Variants in REELD1 observed in about 807,000 individuals in gnomAD.
REELD1 encodes reeler domain containing 1, also known as reelin domain-containing protein 1.
In REELD1, 12 loss-of-function variants were observed where a neutral mutation model predicts 6.3. The ratio of observed to expected loss-of-function variants is 1.89; its 90% CI spans 1.21 to 3.07. The LOEUF (loss-of-function observed/expected upper bound fraction) is 3.07, where lower values mean the gene tolerates loss of function less well. REELD1 is among the 30% of genes most tolerant of loss of function. The probability of loss-of-function intolerance (pLI) is 0.00; values close to 1 mark genes in which losing one functional copy is unlikely to be tolerated. For synonymous variants in REELD1, 57 were observed against 33.6 expected, an observed-to-expected ratio of 1.70 and a Z score of -2.42; for missense variants, 163 against 86.8, an observed-to-expected ratio of 1.88 and a Z score of -3.49.
At position 146,215,651 on chromosome 4, in the gene REELD1, A is replaced by T. The variant is rs1160776765; in HGVS notation, c.-12+453A>T. Among the ~76,000 whole-genome samples, 816 of 86,032 alleles carry T rather than the reference A, an allele frequency of 9.5e-3. 6 individuals carry two copies. The highest frequency in any genetic ancestry group is 0.075 in the East Asian group (242 of 3,216). The allele number at this position is 86,032 out of a possible 152,430, so 56.4% of individuals were successfully genotyped here. ...AAACCAGCTGACTACAGGGGAGGGC[A>T]TTTTTTTTTTTTTTTTTTTGCCTTG... On this transcript the variant is annotated intron_variant, in intron 2 of 7. Coordinates refer to ENST00000623665, the MANE Select transcript of REELD1 (RefSeq NM_001354631.1).
At chr4:146,218,926 A>G (rs1730873439) in intron 3 of REELD1, among the ~76,000 whole-genome samples, 2 of 152,082 alleles carry the variant, frequency 1.3e-5, no homozygotes, top group Non-Finnish European at 2.9e-5. Flanking sequence ...AGGTGAGTGG[A>G]TCACTTGAGC....
intron 7 of REELD1, among the ~76,000 whole-genome samples, chr4:146,229,510 C>T (rs1240656877): frequency 2.6e-5 from 4 of 152,202 alleles, no homozygotes; most frequent in Admixed American, 2.6e-4. Flanking sequence ...AATGTTCTTA[C>T]TTACATTTCT....
intron 5 of REELD1, among the ~76,000 whole-genome samples, chr4:146,225,808 G>T (rs761244910): frequency 6.6e-6 from 1 of 152,114 alleles, no homozygotes; most frequent in Non-Finnish European, 1.5e-5. Context: ...AACCTTGTCC[G>T]CTGGGGGTTG....
chr4:146,219,420 C>A (rs1271655521), intron 3 of REELD1, among the ~76,000 whole-genome samples: 1 of 152,106 alleles, frequency 6.6e-6, no homozygotes, highest in Admixed American at 6.5e-5. Flanking sequence ...AAGGTAAGGA[C>A]CATGTTATCC....
At chr4:146,216,240 T>G (rs1730823687) in intron 2 of REELD1, among the ~76,000 whole-genome samples, 1 of 152,250 alleles carries the variant, frequency 6.6e-6, no homozygotes, top group South Asian at 2.1e-4. Flanking sequence ...AAATGCTATT[T>G]TATTCAATCA....
Position 146,231,922 on chromosome 4 carries a change from G to C in REELD1, c.*1409G>C, listed in dbSNP as rs1344124118. Reference sequence around the variant, plus strand: ...TGTTCCCTGGCTTCAGCCATTAGATGCATGGAGACCTAGGTAATTTGTGCA... The same window carrying C: ...TGTTCCCTGGCTTCAGCCATTAGATCCATGGAGACCTAGGTAATTTGTGCA... On this transcript the variant is annotated 3_prime_UTR_variant, in exon 8 of 8. Coordinates refer to ENST00000623665, the MANE Select transcript of REELD1 (RefSeq NM_001354631.1). The C allele has an allele frequency of 6.6e-6, 1 of 152,188 alleles. No individual in the cohort carries two copies. Among genetic ancestry groups the C allele is most frequent in the Non-Finnish European group, 1.5e-5 (1 of 68,044 alleles). The allele number at this position is 152,188 out of a possible 1,614,324, so 9.4% of individuals were successfully genotyped here.
At position 146,227,936 on chromosome 4, in the gene REELD1, C is replaced by T. The variant is rs543597684; in HGVS notation, c.596-274C>T. Reference sequence around the variant, plus strand: ...ATAAATATGGTGGTCACAGTGCTTTCTGTGTTCCCTGAATGGTGGCTGTTA... The same window carrying T: ...ATAAATATGGTGGTCACAGTGCTTTTTGTGTTCCCTGAATGGTGGCTGTTA... On this transcript the variant is annotated intron_variant, in intron 5 of 7. Coordinates refer to ENST00000623665, the MANE Select transcript of REELD1 (RefSeq NM_001354631.1). Among the ~76,000 whole-genome samples, 9 of 152,210 alleles carry T rather than the reference C, an allele frequency of 5.9e-5. No homozygotes were observed. The South Asian group carries it at 1.9e-3, about 32-fold the overall frequency.
In REELD1 at chr4:146,225,238, G is replaced by T. The variant is rs371127674; in HGVS notation, c.595+630G>T. On this transcript the variant is annotated intron_variant, in intron 5 of 7. Transcript: ENST00000623665. ...ACCACTAGCCAGCTAGAGGCTGTTT[G>T]ACCTATCTGAAAATCCCTGGTGGTA... is the stretch of plus-strand genomic sequence containing the variant. Among the ~76,000 whole-genome samples the T allele has an allele frequency of 2.2e-3, 331 of 152,272 alleles. 17 individuals are homozygous for T. The South Asian group carries it at 0.061, about 28-fold the overall frequency.
At chr4:146,217,864 A>C (rs1258307739) in intron 3 of REELD1, among the ~76,000 whole-genome samples, 1 of 152,238 alleles carries the variant, frequency 6.6e-6, no homozygotes, top group Non-Finnish European at 1.5e-5. Context: ...GACTATAGTA[A>C]CCATTTCACT....
rs1731060232 is a variant in REELD1 at position 146,228,246 on chromosome 4, C to T, written c.632C>T (p.Thr211Ile). Reference sequence around the variant, plus strand: ...CCCATCACTCTTCCACAGCAGCACACACATGTCTTTGCTGTTGCCCTTCCT... The same window carrying T: ...CCCATCACTCTTCCACAGCAGCACATACATGTCTTTGCTGTTGCCCTTCCT... ...RTPITLPQQH[T>I]HVFAVALPGA... Residue 211 changes from threonine (T) to isoleucine (I), a missense_variant, in exon 6 of 8, where the codon ACA becomes ATA. Transcript: ENST00000623665. 1.4e-6 allele frequency: 1 copy of T among 702,444 alleles called. No individual in the cohort carries two copies. The highest frequency in any genetic ancestry group is 2.0e-5 in the Admixed American group (1 of 49,986). The allele number at this position is 702,444 out of a possible 1,614,324, so 43.5% of individuals were successfully genotyped here.
chr4:146,226,137 A>C (rs1270591998), intron 5 of REELD1, among the ~76,000 whole-genome samples: 3 of 152,146 alleles, frequency 2.0e-5, no homozygotes, highest in Non-Finnish European at 1.5e-5. Context: ...TAAATTATAA[A>C]TTTTCAAAAT....
Position 146,230,414 on chromosome 4 carries a change from T to C in REELD1, c.1482T>C (p.Thr494=). The change falls in exon 8 of 8, where the codon ACT becomes ACC. Residue 494 remains threonine, a synonymous_variant. Coordinates refer to ENST00000623665, the MANE Select transcript of REELD1 (RefSeq NM_001354631.1). ...TTGCCAGGAGCAACAGTGGTGAGAC[T>C]GTGCACGTCAGGAAGATTGGGGAGA... ...DAVARSNSGE[T]VHVRKIGENS... 1 of 398,714 alleles carries C rather than the reference T, an allele frequency of 2.5e-6. No individual in the cohort carries two copies. The highest frequency in any genetic ancestry group is 4.4e-6 in the Non-Finnish European group (1 of 226,116). 24.7% of individuals were successfully genotyped at this position (398,714 alleles called of 1,614,324 possible).
In REELD1 at chr4:146,230,525, C is replaced by T; in HGVS notation, c.*12C>T. 2.5e-6 allele frequency: 1 copy of T among 398,688 alleles called. No individual in the cohort carries two copies. The highest frequency in any genetic ancestry group is 4.4e-6 in the Non-Finnish European group (1 of 226,122). 24.7% of individuals were successfully genotyped at this position (398,688 alleles called of 1,614,324 possible). On this transcript the variant is annotated 3_prime_UTR_variant, in exon 8 of 8. Coordinates refer to ENST00000623665, the MANE Select transcript of REELD1 (RefSeq NM_001354631.1). Reference sequence around the variant, plus strand: ...AAACAGTCCTCTGAGAAGACTGTCACCCCAGACCTCTCAGTGGCCCTCCTT... The same window carrying T: ...AAACAGTCCTCTGAGAAGACTGTCATCCCAGACCTCTCAGTGGCCCTCCTT...
chr4:146,218,736 G>C (rs1400708074), intron 3 of REELD1, among the ~76,000 whole-genome samples: 3 of 152,162 alleles, frequency 2.0e-5, no homozygotes, highest in Non-Finnish European at 4.4e-5. Flanking sequence ...CCCAAGGAAG[G>C]CCACTTCTTT....
chr4:146,228,782 AT>A (rs1731073881), intron 6 of REELD1, among the ~76,000 whole-genome samples: 1 of 152,086 alleles, frequency 6.6e-6, no homozygotes, highest in Non-Finnish European at 1.5e-5. Flanking sequence ...TTTTAAATAT[AT>A]TTATAATAAC....
At chr4:146,218,611 A>G (rs1730866507) in intron 3 of REELD1, among the ~76,000 whole-genome samples, 1 of 152,154 alleles carries the variant, frequency 6.6e-6, no homozygotes, top group African/African-American at 2.4e-5. Context: ...ACATCAATAT[A>G]CTCCCCAATA....
chr4:146,226,283 C>T (rs2099164), intron 5 of REELD1, among the ~76,000 whole-genome samples: 3,467 of 152,242 alleles, frequency 0.023, 136 homozygotes, highest in African/African-American at 0.077. Context: ...TCAAACTGGA[C>T]TGTTCCACAC....
chr4:146,225,657 T>A (rs1731008272), intron 5 of REELD1, among the ~76,000 whole-genome samples: 1 of 152,212 alleles, frequency 6.6e-6, no homozygotes, highest in African/African-American at 2.4e-5. Flanking sequence ...ATCTCATGTT[T>A]TATTTTATGA....
Position 146,218,822 on chromosome 4 carries a change from C to T in REELD1, c.208+1662C>T, listed in dbSNP as rs1195456198. Among the ~76,000 whole-genome samples, 3 of 152,176 alleles carry T rather than the reference C, an allele frequency of 2.0e-5. No individual in the cohort carries two copies. In the East Asian group the frequency reaches 5.8e-4, roughly 29 times the overall value. On this transcript the variant is annotated intron_variant, in intron 3 of 7. Transcript: ENST00000623665. ...ATTGGTATGTCAGTATCCTAGTGTT[C>T]TGTGGCTAGGGGAATAACAACGGTA...
Sources: gnomAD v4.1 joint callset for allele counts (sites outside exome capture counted in the v4.1 genomes callset) on GRCh38, gnomAD v4.1.1 for gene constraint, MANE v1.5 for transcripts, NCBI Gene and HGNC (gene_info 2026-07-23, HGNC 2026-07-21) for gene names.